BMPR1B: variants seen among roughly 807,000 people sequenced by gnomAD.
BMPR1B encodes the protein bone morphogenetic protein receptor type 1B.
BMPR1B carries 12 observed loss-of-function variants against 59.1 expected under a neutral mutation model. The observed-to-expected ratio is 0.20, with a 90% CI of 0.13 to 0.33. BMPR1B has a LOEUF of 0.33. BMPR1B is among the 10% of genes least tolerant of loss of function. BMPR1B has a pLI of 1.00. For missense variants in BMPR1B, 550 were observed against 610.9 expected, an observed-to-expected ratio of 0.90 and a Z score of 1.05; for synonymous variants, 237 against 207.3, an observed-to-expected ratio of 1.14 and a Z score of -1.23.
chr4:95,021,618 G>T (rs1272027346), intron 3 of BMPR1B, among the ~76,000 whole-genome samples: 2 of 152,084 alleles, frequency 1.3e-5, no homozygotes, highest in Non-Finnish European at 2.9e-5. Flanking sequence ...CACTAAGTCA[G>T]TTCTTATTGG....
intron 1 of BMPR1B, among the ~76,000 whole-genome samples, chr4:94,792,749 T>A: frequency 6.6e-6 from 1 of 152,222 alleles, no homozygotes; most frequent in East Asian, 1.9e-4. Context: ...TGTAAAATTA[T>A]AACATTTAGA....
chr4:95,102,197 A>G (rs1426368854), intron 3 of BMPR1B, among the ~76,000 whole-genome samples: 3 of 152,222 alleles, frequency 2.0e-5, no homozygotes, highest in Non-Finnish European at 2.9e-5. Context: ...TAAATTCACA[A>G]TGTGACAAAA....
chr4:95,079,564 A>G (rs1400412939), intron 3 of BMPR1B, among the ~76,000 whole-genome samples: 2 of 152,210 alleles, frequency 1.3e-5, no homozygotes, highest in Non-Finnish European at 2.9e-5. Flanking sequence ...TCAGACCTTT[A>G]TATGTAATAA....
At chr4:94,879,066 A>G (rs1156512818) in intron 2 of BMPR1B, among the ~76,000 whole-genome samples, 1 of 152,152 alleles carries the variant, frequency 6.6e-6, no homozygotes, top group African/African-American at 2.4e-5. Context: ...TTTGTTACAT[A>G]TGTATACATG....
At chr4:95,079,046 A>G (rs976679404) in intron 3 of BMPR1B, among the ~76,000 whole-genome samples, 1 of 152,208 alleles carries the variant, frequency 6.6e-6, no homozygotes, top group Admixed American at 6.5e-5. Context: ...GGCCTGAGCC[A>G]CTGCGCCTAA....
rs961372045 is a variant in BMPR1B at position 95,147,084 on chromosome 4, CT to C, written c.1077-1655del. ...GTTTTGTTTTTTAATTACACTTTAACTTTTTTTTTAACGTCTTAACTTTTAT... is the reference window on the plus strand; with the variant it reads ...GTTTTGTTTTTTAATTACACTTTAACTTTTTTTTAACGTCTTAACTTTTAT... On this transcript the variant is annotated intron_variant, in intron 10 of 12. Transcript: ENST00000515059. 1.4e-4 allele frequency among the ~76,000 whole-genome samples: 21 copies of C among 151,162 alleles called. No individual in the cohort carries two copies. The South Asian group carries it at 2.9e-3, about 21-fold the overall frequency.
chr4:95,038,637 A>G (rs560712087), intron 3 of BMPR1B, among the ~76,000 whole-genome samples: 1 of 152,346 alleles, frequency 6.6e-6, no homozygotes, highest in African/African-American at 2.4e-5. Context: ...TTCTGATTAT[A>G]CACATACCAT....
chr4:95,015,799 T>G (rs1723544848), intron 3 of BMPR1B, among the ~76,000 whole-genome samples: 1 of 151,988 alleles, frequency 6.6e-6, no homozygotes, highest in South Asian at 2.1e-4. Context: ...TTCAAGTGAT[T>G]CTCCTGCCTC....
chr4:94,927,274 C>T (rs896966463), intron 2 of BMPR1B, among the ~76,000 whole-genome samples: 4 of 152,106 alleles, frequency 2.6e-5, no homozygotes, highest in African/African-American at 9.7e-5. Context: ...CATTAGGCTC[C>T]TCTAGATGAG....
intron 3 of BMPR1B, chr4:95,051,571 C>A: frequency 1.2e-6 from 1 of 802,564 alleles, no homozygotes; most frequent in Non-Finnish European, 2.0e-6. Context: ...ACGGTCCTGT[C>A]TCAGGGTTGC....
intron 3 of BMPR1B, among the ~76,000 whole-genome samples, chr4:95,095,326 CTG>C (rs1266065430): frequency 2.0e-5 from 3 of 151,986 alleles, no homozygotes; most frequent in Non-Finnish European, 4.4e-5. Context: ...CTTAAAAAAA[CTG>C]TGAGTATTTA....
intron 3 of BMPR1B, among the ~76,000 whole-genome samples, chr4:95,046,835 C>G (rs189755264): frequency 2.4e-4 from 37 of 152,282 alleles, no homozygotes; most frequent in Non-Finnish European, 4.4e-4. Flanking sequence ...AGAAGAACGC[C>G]TCAGACATAA....
intron 1 of BMPR1B, among the ~76,000 whole-genome samples, chr4:94,843,244 A>G (rs80318748): frequency 0.12 from 18,388 of 152,268 alleles, 1,168 homozygotes; most frequent in Non-Finnish European, 0.13. Flanking sequence ...ATTTTTATTA[A>G]TAAAAAGGAA....
At chr4:94,965,550 A>G (rs2149070811) in intron 2 of BMPR1B, among the ~76,000 whole-genome samples, 1 of 152,276 alleles carries the variant, frequency 6.6e-6, no homozygotes, top group East Asian at 1.9e-4. Context: ...TGAAGTTACA[A>G]AGTTATAAGC....
At chr4:95,054,249 G>A (rs1309902319) in intron 3 of BMPR1B, among the ~76,000 whole-genome samples, 1 of 152,144 alleles carries the variant, frequency 6.6e-6, no homozygotes, top group Non-Finnish European at 1.5e-5. Flanking sequence ...GTCACAATAA[G>A]TGGAAAGAAG....
intron 2 of BMPR1B, among the ~76,000 whole-genome samples, chr4:94,955,936 C>T (rs1327645225): frequency 6.6e-6 from 1 of 152,088 alleles, no homozygotes; most frequent in Non-Finnish European, 1.5e-5. Flanking sequence ...CTGGCCAACA[C>T]ATTTAATTCT....
At chr4:94,906,570 C>T (rs878875728) in intron 2 of BMPR1B, among the ~76,000 whole-genome samples, 3 of 151,842 alleles carry the variant, frequency 2.0e-5, no homozygotes, top group Admixed American at 1.3e-4. Context: ...GATGGGTTGA[C>T]GGGTGCAGCA....
At chr4:94,963,535 G>A (rs536751773) in intron 2 of BMPR1B, among the ~76,000 whole-genome samples, 1 of 152,194 alleles carries the variant, frequency 6.6e-6, no homozygotes, top group South Asian at 2.1e-4. Context: ...CACAAGATGG[G>A]ATCTTGTTTC....
intron 4 of BMPR1B, among the ~76,000 whole-genome samples, chr4:95,112,401 T>A (rs149952078): frequency 3.1e-3 from 476 of 152,252 alleles, no homozygotes; most frequent in Admixed American, 8.4e-3. Context: ...CAAAATTGAT[T>A]AGCTTTGACT....
Sources: gnomAD v4.1 joint callset for allele counts (sites outside exome capture counted in the v4.1 genomes callset) on GRCh38, gnomAD v4.1.1 for gene constraint, MANE v1.5 for transcripts, NCBI Gene and HGNC (gene_info 2026-07-23, HGNC 2026-07-21) for gene names.